The following PKHD1 variants were observed in gnomAD, a reference collection of about 807,000 sequenced individuals.
PKHD1 encodes fibrocystin.
Under a neutral mutation model 412.0 loss-of-function variants are expected in PKHD1, and 291 were observed. The ratio of observed to expected loss-of-function variants is 0.71; its 90% CI spans 0.64 to 0.78. PKHD1 has a LOEUF of 0.78. Ranked by LOEUF, PKHD1 falls within the 30% of genes least tolerant of loss-of-function variation. The pLI is 0.00. For missense variants in PKHD1, 4,825 were observed against 4,950.7 expected (o/e 0.97, Z 0.76); for synonymous variants, 1,777 against 1,821.5 (o/e 0.98, Z 0.62).
chr6:52,074,816 T>A (rs1038749643), intron 6 of PKHD1, among the ~76,000 whole-genome samples: 2 of 152,202 alleles, frequency 1.3e-5, no homozygotes, highest in Non-Finnish European at 2.9e-5. Flanking sequence ...AGTATTCATC[T>A]GGAAAGTGAT....
chr6:51,981,388 G>A, intron 35 of PKHD1, among the ~76,000 whole-genome samples: 1 of 92,064 alleles, frequency 1.1e-5, no homozygotes, highest in Non-Finnish European at 2.0e-5. Context: ...GTCTCCCTCT[G>A]ATGCCGAGCC....
intron 50 of PKHD1, among the ~76,000 whole-genome samples, chr6:51,841,860 A>C (rs929463037): frequency 1.3e-5 from 2 of 152,226 alleles, no homozygotes; most frequent in African/African-American, 4.8e-5. Flanking sequence ...GCTTGGCTCC[A>C]GGGCCCTTGT....
intron 63 of PKHD1, among the ~76,000 whole-genome samples, chr6:51,647,781 A>C (rs1770305777): frequency 6.6e-6 from 1 of 152,126 alleles, no homozygotes; most frequent in Non-Finnish European, 1.5e-5. Flanking sequence ...AAGGATACGG[A>C]TAAGTTGGAA....
intron 29 of PKHD1, among the ~76,000 whole-genome samples, chr6:52,029,776 T>C (rs1453299591): frequency 6.6e-6 from 1 of 152,190 alleles, no homozygotes; most frequent in East Asian, 1.9e-4. Context: ...ATAAGCCAAG[T>C]TGATGGTAGT....
Position 51,906,267 on chromosome 6 carries a change from C to A in PKHD1, c.6756G>T (p.Leu2252=), listed in dbSNP as rs368194577. The change falls in exon 41 of 67, where the codon CTG becomes CTT. Residue 2252 remains leucine (L), a synonymous_variant. Transcript: ENST00000371117. ...RGLSMCGTLG[L]KVDSNVFYNI... ...TGTAGAATACATTACTGTCCACCTTCAGGCCCAAGGTCCCGCACATGCTGA... is the reference window on the plus strand; with the variant it reads ...TGTAGAATACATTACTGTCCACCTTAAGGCCCAAGGTCCCGCACATGCTGA... 1 of 1,611,076 alleles carries A rather than the reference C, an allele frequency of 6.2e-7. No homozygotes were observed. The highest frequency in any genetic ancestry group is 1.3e-5 in the African/African-American group (1 of 74,820).
chr6:51,754,874 A>G lies in PKHD1; in HGVS notation c.8707T>C (p.Tyr2903His). The change falls in exon 56 of 67, where the codon TAT becomes CAT. Residue 2903 changes from tyrosine to histidine, a missense_variant. Tyr to His is a moderately conservative substitution (Grantham distance 83). Coordinates refer to ENST00000371117, the MANE Select transcript of PKHD1 (RefSeq NM_138694.4). ...HDKIVLSSSSYEPHEAEVLTV... is the reference protein window; with the variant it reads ...HDKIVLSSSSHEPHEAEVLTV... ...AGGACCTCTGCTTCATGAGGCTCAT[A>G]AGAAGAGGAGCTAAGGACTATTTTG... The G allele has an allele frequency of 6.2e-7, 1 of 1,613,204 alleles. No individual in the cohort carries two copies. Among genetic ancestry groups the G allele is most frequent in the African/African-American group, 1.3e-5 (1 of 75,010 alleles).
At chr6:52,013,840 G>A (rs1800108244) in intron 34 of PKHD1, among the ~76,000 whole-genome samples, 1 of 152,172 alleles carries the variant, frequency 6.6e-6, no homozygotes, top group African/African-American at 2.4e-5. Flanking sequence ...CCTTAGGATA[G>A]GTAGGGAAAA....
chr6:51,783,961 A>C (rs1163577570), intron 53 of PKHD1, among the ~76,000 whole-genome samples: 1 of 152,196 alleles, frequency 6.6e-6, no homozygotes, highest in Non-Finnish European at 1.5e-5. Context: ...AATGTTTTCC[A>C]AGAAAAAGGC....
chr6:52,003,334 C>T (rs1349834223), intron 35 of PKHD1, among the ~76,000 whole-genome samples: 1 of 152,106 alleles, frequency 6.6e-6, no homozygotes, highest in Non-Finnish European at 1.5e-5. Flanking sequence ...AATCAAGTAA[C>T]ACACTTAAAG....
intron 52 of PKHD1, among the ~76,000 whole-genome samples, chr6:51,830,192 T>C (rs1243132530): frequency 6.6e-6 from 1 of 152,130 alleles, no homozygotes. Context: ...AATATAATTG[T>C]CCTATGAAAA....
At chr6:51,973,904 C>T (rs1433549246) in intron 35 of PKHD1, among the ~76,000 whole-genome samples, 4 of 152,092 alleles carry the variant, frequency 2.6e-5, no homozygotes, top group Non-Finnish European at 5.9e-5. Flanking sequence ...GCTATTGGTT[C>T]CAATATCTCA....
intron 53 of PKHD1, among the ~76,000 whole-genome samples, chr6:51,790,944 G>A (rs1793636551): frequency 6.6e-6 from 1 of 152,124 alleles, no homozygotes; most frequent in Non-Finnish European, 1.5e-5. Context: ...AAAACCTAAA[G>A]GAAGAATTGA....
chr6:51,830,720 C>T (rs1279169044), intron 52 of PKHD1, 141 bp downstream of exon 52: 6 of 781,512 alleles, frequency 7.7e-6, no homozygotes, highest in Admixed American at 4.5e-5. Flanking sequence ...ATTAACCCCC[C>T]CAAAAAGAGG....
At chr6:51,992,158 G>A (rs1797116484) in intron 35 of PKHD1, among the ~76,000 whole-genome samples, 1 of 152,154 alleles carries the variant, frequency 6.6e-6, no homozygotes, top group African/African-American at 2.4e-5. Flanking sequence ...AGGATTAAAT[G>A]GGCAGTTCAA....
intron 41 of PKHD1, among the ~76,000 whole-genome samples, chr6:51,905,797 T>C (rs1208521424): frequency 1.3e-5 from 2 of 152,152 alleles, no homozygotes; most frequent in Non-Finnish European, 1.5e-5. Flanking sequence ...CAGTTGAAGA[T>C]TCTGAAACAT....
At chr6:51,642,229 T>A (rs913997566) in intron 63 of PKHD1, among the ~76,000 whole-genome samples, 1 of 151,930 alleles carries the variant, frequency 6.6e-6, no homozygotes, top group Non-Finnish European at 1.5e-5. Context: ...CTCAGTAAGG[T>A]ATCATATAGG....
At chr6:51,705,774 G>C (rs1405215378) in intron 60 of PKHD1, among the ~76,000 whole-genome samples, 1 of 151,950 alleles carries the variant, frequency 6.6e-6, no homozygotes, top group Admixed American at 6.6e-5. Flanking sequence ...AAGTAGAAAG[G>C]GGAAGTGATA....
intron 36 of PKHD1, among the ~76,000 whole-genome samples, chr6:51,950,220 A>AAAAAAAAAATATATATATATATATAT: frequency 4.1e-5 from 4 of 98,298 alleles, no homozygotes; most frequent in African/African-American, 1.1e-4. Flanking sequence ...GAAAAAAAAA[A>AAAAAAAAAATATATATATATATATAT]ATATATATAT....
At chr6:51,888,416 TA>T (rs1431426179) in intron 43 of PKHD1, among the ~76,000 whole-genome samples, 2 of 152,124 alleles carry the variant, frequency 1.3e-5, no homozygotes, top group Non-Finnish European at 2.9e-5. Flanking sequence ...TAAGACAAAT[TA>T]AAAAACTGAC....
Sources: allele counts gnomAD v4.1 joint callset (sites outside exome capture counted in the v4.1 genomes callset), GRCh38; gene constraint gnomAD v4.1.1; transcripts MANE v1.5; gene names NCBI Gene and HGNC (gene_info 2026-07-23, HGNC 2026-07-21).